NREP: variants seen among roughly 807,000 people sequenced by gnomAD.
The protein encoded by NREP is neuronal regeneration-related protein.
In NREP, 5 loss-of-function variants were observed where a neutral mutation model predicts 8.6. That is an observed-to-expected ratio of 0.58 (90% CI 0.30 to 1.22). NREP has a LOEUF of 1.22. NREP is among the 50% of genes most tolerant of loss of function. The probability of loss-of-function intolerance (pLI) is 0.07; values close to 1 mark genes in which losing one functional copy is unlikely to be tolerated. For synonymous variants in NREP, 27 were observed against 28.0 expected (o/e 0.96, Z 0.11); for missense variants, 86 against 82.5 (o/e 1.04, Z -0.17).
At chr5:111,847,292 C>T (rs1753200776) in intron 2 of NREP, among the ~76,000 whole-genome samples, 1 of 152,080 alleles carries the variant, frequency 6.6e-6, no homozygotes, top group South Asian at 2.1e-4. Context: ...CTTTCATGGC[C>T]TTTCCTTAGT....
rs1748432656 is a variant in NREP at position 111,730,286 on chromosome 5, C to T, written c.*635G>A. The T allele has an allele frequency of 6.6e-6, 1 of 152,504 alleles. No individual in the cohort carries two copies. Among genetic ancestry groups the T allele is most frequent in the African/African-American group, 2.4e-5 (1 of 41,364 alleles). The allele number at this position is 152,504 out of a possible 1,614,324, so 9.4% of individuals were successfully genotyped here. On this transcript the variant is annotated 3_prime_UTR_variant, in exon 4 of 4. Coordinates refer to ENST00000257435, the MANE Select transcript of NREP (RefSeq NM_004772.4). ...CATTCAGGGAAACAGAGTACCAACA[C>T]CTTCTTAGAACATGGAAATAAAAAA...
At chr5:111,836,367 G>A (rs1013098531) in intron 2 of NREP, among the ~76,000 whole-genome samples, 1 of 152,066 alleles carries the variant, frequency 6.6e-6, no homozygotes, top group Non-Finnish European at 1.5e-5. Context: ...GTGTGGGTGA[G>A]GAAGGTCACT....
intron 2 of NREP, among the ~76,000 whole-genome samples, chr5:111,802,767 G>A (rs1002325816): frequency 1.3e-5 from 2 of 152,158 alleles, no homozygotes; most frequent in African/African-American, 2.4e-5. Context: ...TTTACAAAAT[G>A]TATGTGGAAA....
At chr5:111,836,234 G>T (rs1235203021) in intron 2 of NREP, among the ~76,000 whole-genome samples, 1 of 152,102 alleles carries the variant, frequency 6.6e-6, no homozygotes, top group East Asian at 1.9e-4. Context: ...AAGAATGAAT[G>T]AATTAAACAC....
chr5:111,815,800 C>G (rs1284573316), intron 2 of NREP, among the ~76,000 whole-genome samples: 1 of 152,062 alleles, frequency 6.6e-6, no homozygotes, highest in Non-Finnish European at 1.5e-5. Context: ...AAATACAAAT[C>G]AAGCCACAGG....
At chr5:111,843,093 A>G (rs370116688) in intron 2 of NREP, among the ~76,000 whole-genome samples, 1 of 152,112 alleles carries the variant, frequency 6.6e-6, no homozygotes, top group African/African-American at 2.4e-5. Flanking sequence ...TTCCCACTGC[A>G]GATTTGGGAA....
intron 2 of NREP, among the ~76,000 whole-genome samples, chr5:111,927,278 A>AT (rs1755414567): frequency 6.6e-6 from 1 of 152,082 alleles, no homozygotes; most frequent in African/African-American, 2.4e-5. Context: ...GAGCTTTCAA[A>AT]TTTTTTCATG....
chr5:111,771,878 C>T (rs1233870262), intron 2 of NREP, among the ~76,000 whole-genome samples: 1 of 152,018 alleles, frequency 6.6e-6, no homozygotes, highest in Non-Finnish European at 1.5e-5. Context: ...AGCAAAGTCC[C>T]TAAGAACTAT....
chr5:111,785,850 C>T (rs1751596987), intron 2 of NREP, among the ~76,000 whole-genome samples: 1 of 152,072 alleles, frequency 6.6e-6, no homozygotes, highest in Admixed American at 6.6e-5. Flanking sequence ...CTCTTTCCTG[C>T]CTTCCTGAGT....
intron 2 of NREP, among the ~76,000 whole-genome samples, chr5:111,804,318 T>G (rs553931576): frequency 6.6e-6 from 1 of 152,284 alleles, no homozygotes; most frequent in African/African-American, 2.4e-5. Context: ...AATAACTGAA[T>G]AGCCAATTAG....
At chr5:111,929,517 C>A (rs764492531) in intron 2 of NREP, among the ~76,000 whole-genome samples, 1 of 152,168 alleles carries the variant, frequency 6.6e-6, no homozygotes, top group Non-Finnish European at 1.5e-5. Context: ...TTGTGCTGGC[C>A]ACATATATTT....
At chr5:111,843,029 T>G (rs947390562) in intron 2 of NREP, among the ~76,000 whole-genome samples, 1 of 152,142 alleles carries the variant, frequency 6.6e-6, no homozygotes, top group Non-Finnish European at 1.5e-5. Flanking sequence ...TGAAGATCTT[T>G]TTTATGTTTA....
At chr5:111,820,587 G>C (rs907141283) in intron 2 of NREP, among the ~76,000 whole-genome samples, 1 of 151,876 alleles carries the variant, frequency 6.6e-6, no homozygotes, top group Non-Finnish European at 1.5e-5. Flanking sequence ...TTTTTAATTG[G>C]AAAGAGACAA....
chr5:111,787,197 A>G (rs548514117), intron 2 of NREP, among the ~76,000 whole-genome samples: 5 of 152,134 alleles, frequency 3.3e-5, no homozygotes, highest in Non-Finnish European at 7.4e-5. Flanking sequence ...GGTCCCCACA[A>G]CCACTTCTCA....
At chr5:111,868,174 C>T (rs778933948) in intron 2 of NREP, among the ~76,000 whole-genome samples, 63 of 152,138 alleles carry the variant, frequency 4.1e-4, no homozygotes, top group Middle Eastern at 3.4e-3. Context: ...TTCATGGAAA[C>T]GTGGAATCAG....
intron 2 of NREP, among the ~76,000 whole-genome samples, chr5:111,753,040 T>C (rs1214054668): frequency 6.6e-6 from 1 of 151,936 alleles, no homozygotes; most frequent in Non-Finnish European, 1.5e-5. Flanking sequence ...TGCTGAAGAC[T>C]TAATATCCTA....
upstream of NREP, chr5:111,758,149 C>G: frequency 1.0e-6 from 1 of 985,596 alleles, no homozygotes; most frequent in Non-Finnish European, 1.2e-6. Flanking sequence ...CGCCCCACTC[C>G]CTTCCGCGGG....
At chr5:111,808,000 G>T (rs1448453150) in intron 2 of NREP, among the ~76,000 whole-genome samples, 2 of 152,124 alleles carry the variant, frequency 1.3e-5, no homozygotes, top group Non-Finnish European at 1.5e-5. Context: ...TCCTTTCTGT[G>T]GGGGAAGCAC....
At chr5:111,954,921 C>A (rs776537120) in intron 2 of NREP, among the ~76,000 whole-genome samples, 8 of 152,150 alleles carry the variant, frequency 5.3e-5, no homozygotes, top group Non-Finnish European at 8.8e-5. Context: ...TGACTCATTG[C>A]TGGCTGCCAA....
Sources: gnomAD v4.1 joint callset for allele counts (sites outside exome capture counted in the v4.1 genomes callset) on GRCh38, gnomAD v4.1.1 for gene constraint, MANE v1.5 for transcripts, NCBI Gene and HGNC (gene_info 2026-07-23, HGNC 2026-07-21) for gene names.